NUP93: variants seen among roughly 807,000 people sequenced by gnomAD.
NUP93 encodes nuclear pore complex protein Nup93.
Under a neutral mutation model 107.8 loss-of-function variants are expected in NUP93, and 55 were observed. That is an observed-to-expected ratio of 0.51 (90% CI 0.41 to 0.64). The LOEUF (loss-of-function observed/expected upper bound fraction) is 0.64, where lower values mean the gene tolerates loss of function less well. NUP93 is among the 30% of genes least tolerant of loss of function. NUP93 has a pLI of 0.00. For missense variants in NUP93, 937 were observed against 1,044.7 expected, an observed-to-expected ratio of 0.90 and a Z score of 1.42; for synonymous variants, 390 against 397.5, an observed-to-expected ratio of 0.98 and a Z score of 0.22.
At chr16:56,749,268 T>C (rs569701416) in intron 2 of NUP93, among the ~76,000 whole-genome samples, 4 of 152,252 alleles carry the variant, frequency 2.6e-5, no homozygotes, top group Non-Finnish European at 4.4e-5. Context: ...CAAGCTTGGC[T>C]AGACGTGAGA....
intron 3 of NUP93, among the ~76,000 whole-genome samples, chr16:56,784,801 C>T (rs1962589934): frequency 6.6e-6 from 1 of 152,120 alleles, no homozygotes; most frequent in Admixed American, 6.6e-5. Context: ...TTTATAAAGC[C>T]AGCTGTTCTT....
intron 8 of NUP93, among the ~76,000 whole-genome samples, chr16:56,825,205 CTTTT>C (rs34378384): frequency 3.9e-5 from 3 of 76,362 alleles, no homozygotes; most frequent in African/African-American, 5.4e-5. Flanking sequence ...CCATACCCAG[CTTTT>C]TTTTTTTTTT....
At chr16:56,798,943 C>G (rs1324211759) in intron 4 of NUP93, among the ~76,000 whole-genome samples, 2 of 151,460 alleles carry the variant, frequency 1.3e-5, no homozygotes, top group Non-Finnish European at 2.9e-5. Flanking sequence ...AAGCTGGAAT[C>G]TATCCTATGC....
At chr16:56,734,787 C>T (rs368691701) in intron 1 of NUP93, among the ~76,000 whole-genome samples, 2 of 152,170 alleles carry the variant, frequency 1.3e-5, no homozygotes, top group Non-Finnish European at 2.9e-5. Flanking sequence ...CGGTTTTAGA[C>T]CTGAGCAACT....
At chr16:56,744,345 A>G (rs1410181423) in intron 1 of NUP93, among the ~76,000 whole-genome samples, 1 of 152,176 alleles carries the variant, frequency 6.6e-6, no homozygotes, top group East Asian at 1.9e-4. Flanking sequence ...TTGTGGCTAA[A>G]TTGATATTTT....
chr16:56,801,603 G>A (rs1471304145), intron 4 of NUP93, among the ~76,000 whole-genome samples: 1 of 152,098 alleles, frequency 6.6e-6, no homozygotes, highest in Non-Finnish European at 1.5e-5. Context: ...AGTAGAGATG[G>A]GGTTTCACCA....
rs530048653 is a variant in NUP93 at position 56,781,882 on chromosome 16, T to C, written c.298-16594T>C. 10 of 985,422 alleles carry C rather than the reference T, an allele frequency of 1.0e-5. No homozygotes were observed. In the East Asian group the frequency reaches 1.1e-3, roughly 112 times the overall value. 61.0% of individuals were successfully genotyped at this position (985,422 alleles called of 1,614,324 possible). ...CTGATGGCTGACTTCTCTGAATTTGTGTAGCGCACAACGAATGGTGATGCT... is the reference window on the plus strand; with the variant it reads ...CTGATGGCTGACTTCTCTGAATTTGCGTAGCGCACAACGAATGGTGATGCT... On this transcript the variant is annotated intron_variant, in intron 3 of 21. Transcript: ENST00000308159.
At chr16:56,745,499 G>A (rs570829209) in intron 1 of NUP93, among the ~76,000 whole-genome samples, 10 of 152,346 alleles carry the variant, frequency 6.6e-5, no homozygotes, top group African/African-American at 2.4e-4. Context: ...GAAGCTGGGA[G>A]GTTAGGGAGG....
At chr16:56,753,085 A>G (rs1245645489) in intron 2 of NUP93, among the ~76,000 whole-genome samples, 1 of 152,220 alleles carries the variant, frequency 6.6e-6, no homozygotes, top group Non-Finnish European at 1.5e-5. Flanking sequence ...TACTAAAACA[A>G]AACTCATTGA....
intron 3 of NUP93, among the ~76,000 whole-genome samples, chr16:56,793,001 G>A (rs1962802793): frequency 6.6e-6 from 1 of 152,142 alleles, no homozygotes; most frequent in Non-Finnish European, 1.5e-5. Flanking sequence ...CCTGTAAAAT[G>A]GGGCAGGGGA....
At chr16:56,809,525 T>C (rs1347115341) in intron 5 of NUP93, among the ~76,000 whole-genome samples, 1 of 152,106 alleles carries the variant, frequency 6.6e-6, no homozygotes, top group Admixed American at 6.6e-5. Context: ...AGTCTTTTTT[T>C]CCCCCGAAGT....
chr16:56,799,315 G>A (rs1962969779), intron 4 of NUP93, among the ~76,000 whole-genome samples: 1 of 152,150 alleles, frequency 6.6e-6, no homozygotes. Context: ...TGAAAAGATG[G>A]TAAATAAGTC....
chr16:56,790,036 G>A (rs1962721320), intron 3 of NUP93, among the ~76,000 whole-genome samples: 1 of 152,192 alleles, frequency 6.6e-6, no homozygotes, highest in Admixed American at 6.5e-5. Flanking sequence ...GGCAGAGGTT[G>A]CAGTGAACCC....
At chr16:56,774,040 T>C (rs1034321314) in intron 3 of NUP93, among the ~76,000 whole-genome samples, 2 of 152,224 alleles carry the variant, frequency 1.3e-5, no homozygotes, top group Non-Finnish European at 2.9e-5. Context: ...GTATTGAATC[T>C]GATATTAAGG....
Position 56,755,595 on chromosome 16 carries a change from G to A in NUP93, c.180-2943G>A, listed in dbSNP as rs140154394. Among the ~76,000 whole-genome samples the A allele has an allele frequency of 4.0e-3, 605 of 152,228 alleles. 2 individuals carry two copies. The highest frequency in any genetic ancestry group is 0.014 in the African/African-American group (570 of 41,530). On this transcript the variant is annotated intron_variant, in intron 2 of 21. Coordinates refer to ENST00000308159, the MANE Select transcript of NUP93 (RefSeq NM_014669.5). Reference sequence around the variant, plus strand: ...ATACATAAAAATCACTGAATTGTAGGCCAGGCATGGTCGCTCACGCCTGTA... The same window carrying A: ...ATACATAAAAATCACTGAATTGTAGACCAGGCATGGTCGCTCACGCCTGTA...
intron 1 of NUP93, among the ~76,000 whole-genome samples, chr16:56,739,251 G>GC (rs1961664322): frequency 1.8e-5 from 2 of 109,572 alleles, no homozygotes; most frequent in East Asian, 2.8e-4. Flanking sequence ...AGACGGGGTG[G>GC]TGGCCGGGCA....
intron 1 of NUP93, among the ~76,000 whole-genome samples, chr16:56,736,554 G>T (rs184123246): frequency 6.6e-6 from 1 of 152,268 alleles, no homozygotes; most frequent in East Asian, 1.9e-4. Flanking sequence ...TAAACAATCT[G>T]AGGTAACACA....
chr16:56,832,043 C>T, intron 11 of NUP93, 36 bp downstream of exon 11: 1 of 1,610,186 alleles, frequency 6.2e-7, no homozygotes, highest in Non-Finnish European at 8.5e-7. Flanking sequence ...TAGGGCTTTA[C>T]CCCTTTTCTG....
At chr16:56,738,937 C>G (rs1961655590) in intron 1 of NUP93, among the ~76,000 whole-genome samples, 1 of 134,728 alleles carries the variant, frequency 7.4e-6, no homozygotes, top group East Asian at 2.5e-4. Context: ...AAATTAAATG[C>G]TAAATTTCTT....
Sources: allele counts gnomAD v4.1 joint callset (sites outside exome capture counted in the v4.1 genomes callset), GRCh38; gene constraint gnomAD v4.1.1; transcripts MANE v1.5; gene names NCBI Gene and HGNC (gene_info 2026-07-23, HGNC 2026-07-21).